The following CNBD2 variants were observed in gnomAD, a reference collection of about 807,000 sequenced individuals.
The protein encoded by CNBD2 is cyclic nucleotide-binding domain-containing protein 2.
A neutral mutation model predicts 63.7 loss-of-function variants in CNBD2; 64 were observed. That is an observed-to-expected ratio of 1.00 (90% CI 0.82 to 1.24). The LOEUF (loss-of-function observed/expected upper bound fraction) is 1.24. Among genes scored for constraint, CNBD2 ranks in the 50% most tolerant of loss-of-function variants. The pLI is 0.00. For missense variants in CNBD2, 691 were observed against 713.5 expected, an observed-to-expected ratio of 0.97 and a Z score of 0.36; for synonymous variants, 229 against 255.4, an observed-to-expected ratio of 0.90 and a Z score of 0.99.
At chr20:36,020,682 A>G (rs1270652742) in intron 10 of CNBD2, among the ~76,000 whole-genome samples, 7 of 152,118 alleles carry the variant, frequency 4.6e-5, no homozygotes, top group Non-Finnish European at 1.0e-4. Context: ...GTGTAAATTC[A>G]TATATATATG....
upstream of CNBD2, among the ~76,000 whole-genome samples, chr20:35,965,435 C>T (rs1184664733): frequency 6.6e-6 from 1 of 152,190 alleles, no homozygotes; most frequent in Non-Finnish European, 1.5e-5. Flanking sequence ...GCATCAGCCT[C>T]CCAAAGTGTT....
chr20:36,025,566 T>G (rs2147376771), intron 11 of CNBD2, among the ~76,000 whole-genome samples: 1 of 152,240 alleles, frequency 6.6e-6, no homozygotes, highest in East Asian at 1.9e-4. Flanking sequence ...GAACCAGTCC[T>G]CCTGCCTTGG....
At chr20:36,028,279 C>T (rs554458626) in intron 11 of CNBD2, among the ~76,000 whole-genome samples, 2 of 152,088 alleles carry the variant, frequency 1.3e-5, no homozygotes, top group African/African-American at 4.8e-5. Context: ...ATTCAGCATC[C>T]GCCCTGCTCA....
intron 7 of CNBD2, among the ~76,000 whole-genome samples, chr20:35,994,241 T>A (rs2056789624): frequency 6.6e-6 from 1 of 152,054 alleles, no homozygotes; most frequent in Non-Finnish European, 1.5e-5. Flanking sequence ...AATTTTGTAT[T>A]TTTAGTAGGG....
chr20:36,002,552 A>G (rs995743957), intron 8 of CNBD2, among the ~76,000 whole-genome samples: 5 of 152,196 alleles, frequency 3.3e-5, no homozygotes, highest in African/African-American at 4.8e-5. Context: ...TGGCTTCCCA[A>G]AGTGCTGGGA....
chr20:35,958,364 A>C (rs1217317837), downstream of CNBD2, among the ~76,000 whole-genome samples: 2 of 152,188 alleles, frequency 1.3e-5, no homozygotes, highest in Non-Finnish European at 2.9e-5. Flanking sequence ...CCCGGGAGGC[A>C]GAGGTTGCAG....
intron 8 of CNBD2, among the ~76,000 whole-genome samples, chr20:35,998,874 C>CAAAA (rs74173968): frequency 4.2e-5 from 2 of 47,358 alleles, no homozygotes; most frequent in Non-Finnish European, 8.3e-5. Context: ...CTGTGTCTCT[C>CAAAA]AAAAAAAAAA....
chr20:36,028,452 A>G (rs1216329165), intron 11 of CNBD2, among the ~76,000 whole-genome samples: 1 of 152,162 alleles, frequency 6.6e-6, no homozygotes, highest in African/African-American at 2.4e-5. Flanking sequence ...GAGATCCTGA[A>G]GATCACAGAG....
rs202241014 is a variant in CNBD2, at chr20:35,980,622, G to A, written c.407G>A (p.Arg136Gln). Residue 136 changes from arginine (R) to glutamine (Q), a missense_variant and splice_region_variant, in exon 4 of 12, where the codon CGG becomes CAG. Transcript: ENST00000373973. ...CTGGCCAAAGTCATGCGCTTTGAAC[G>A]GTCAGTGAGGGGCACAGCCCTTGGC... ...LLLAKVMRFERFGRRRVIIKK... is the reference protein window; with the variant it reads ...LLLAKVMRFEQFGRRRVIIKK... 1,073 of 1,612,750 alleles carry A rather than the reference G, an allele frequency of 6.7e-4. 14 individuals carry two copies. The South Asian group carries it at 0.011, about 16-fold the overall frequency.
At chr20:35,954,637 C>T (rs6087747), upstream of CNBD2, 6 of 1,305,372 alleles carry the variant, frequency 4.6e-6, no homozygotes, top group Non-Finnish European at 6.0e-6. Context: ...GCCTGGGCTC[C>T]TTCCGAATGG....
At chr20:35,989,865 G>GA in intron 7 of CNBD2, among the ~76,000 whole-genome samples, 1 of 132,634 alleles carries the variant, frequency 7.5e-6, no homozygotes, top group African/African-American at 3.0e-5. Flanking sequence ...AGATGAGAGA[G>GA]GGAGAGAGAG....
intron 7 of CNBD2, among the ~76,000 whole-genome samples, chr20:35,992,368 G>A (rs552262361): frequency 1.3e-5 from 2 of 152,286 alleles, no homozygotes; most frequent in African/African-American, 4.8e-5. Context: ...CAGACATGTA[G>A]GGTGCTTCCT....
At chr20:35,987,590 A>G in intron 7 of CNBD2, 57 bp downstream of exon 7, 1 of 1,595,254 alleles carries the variant, frequency 6.3e-7, no homozygotes, top group Non-Finnish European at 8.6e-7. Context: ...GCCTAAGATC[A>G]TGTCCTGTGA....
chr20:35,965,950 G>C (rs58175634), upstream of CNBD2, among the ~76,000 whole-genome samples: 9,802 of 152,134 alleles, frequency 0.064, 525 homozygotes, highest in African/African-American at 0.16. Flanking sequence ...GGTCGTACTG[G>C]CATCATCTGA....
chr20:36,005,462 G>A (rs1033919346), intron 8 of CNBD2, among the ~76,000 whole-genome samples: 7 of 152,096 alleles, frequency 4.6e-5, no homozygotes, highest in Non-Finnish European at 8.8e-5. Context: ...AACAGGCCAC[G>A]GACCTGTACC....
chr20:35,974,302 T>C (rs2056467558), intron 2 of CNBD2: 1 of 153,664 alleles, frequency 6.5e-6, no homozygotes, highest in African/African-American at 2.4e-5. Context: ...TCAGGTTAGC[T>C]CTCAGGAAGG....
rs2057272262 is a variant in CNBD2, at chr20:36,025,489, A to T, written c.1439+1718A>T. On this transcript the variant is annotated intron_variant, in intron 11 of 11. Coordinates refer to ENST00000373973, the MANE Select transcript of CNBD2 (RefSeq NM_001365709.1). ...AGCTGGAACTATAAATGTACACTAC[A>T]ATGCTCAGCTAATTGAAAATTTTTT... 2.0e-5 allele frequency among the ~76,000 whole-genome samples: 3 copies of T among 152,052 alleles called. 1 individual carries two copies. In the South Asian group the frequency reaches 6.2e-4, roughly 32 times the overall value.
At chr20:36,023,823 C>T in intron 11 of CNBD2, 52 bp downstream of exon 11, 1 of 1,469,828 alleles carries the variant, frequency 6.8e-7, no homozygotes, top group Non-Finnish European at 9.1e-7. Context: ...AACAATTTTT[C>T]ACCTGTTATT....
chr20:35,985,093 A>G (rs565295354), intron 6 of CNBD2, among the ~76,000 whole-genome samples: 2 of 151,946 alleles, frequency 1.3e-5, no homozygotes, highest in South Asian at 4.2e-4. Flanking sequence ...GGAGTTCAAG[A>G]CCAGCCTGGA....
Sources: gnomAD v4.1 joint callset for allele counts (sites outside exome capture counted in the v4.1 genomes callset) on GRCh38, gnomAD v4.1.1 for gene constraint, MANE v1.5 for transcripts, NCBI Gene and HGNC (gene_info 2026-07-23, HGNC 2026-07-21) for gene names.